ROBO1: variants seen among roughly 807,000 people sequenced by gnomAD.
ROBO1 encodes roundabout homolog 1.
Under a neutral mutation model 195.9 loss-of-function variants are expected in ROBO1, and 149 were observed. That is an observed-to-expected ratio of 0.76 (90% confidence interval 0.67 to 0.87). The LOEUF (loss-of-function observed/expected upper bound fraction) is 0.87, where lower values mean the gene tolerates loss of function less well. Among genes scored for constraint, ROBO1 ranks in the 40% least tolerant of loss-of-function variants. The pLI is 0.00. For missense variants in ROBO1, 1,933 were observed against 2,068.3 expected, an observed-to-expected ratio of 0.93 and a Z score of 1.27; for synonymous variants, 816 against 733.2, an observed-to-expected ratio of 1.11 and a Z score of -1.82.
rs1943362026 is a variant in ROBO1, at chr3:79,573,937, A to T, written c.88+15887T>A. Among the ~76,000 whole-genome samples, 3 of 152,144 alleles carry T rather than the reference A, an allele frequency of 2.0e-5. No individual in the cohort carries two copies. The South Asian group carries it at 6.2e-4, about 31-fold the overall frequency. ...GAATTTGGCTTTGTTTGGTTAACCC[A>T]TGGTGAACATGTATATATTACCTAC... On this transcript the variant is annotated intron_variant, in intron 2 of 30. Coordinates refer to ENST00000464233, the MANE Select transcript of ROBO1 (RefSeq NM_002941.4).
chr3:78,937,553 A>G (rs538348679), intron 4 of ROBO1, among the ~76,000 whole-genome samples: 9 of 152,246 alleles, frequency 5.9e-5, no homozygotes, highest in African/African-American at 2.2e-4. Context: ...AAGGGGATGA[A>G]TCATTTTGGC....
intron 2 of ROBO1, among the ~76,000 whole-genome samples, chr3:79,395,999 T>C (rs1471850731): frequency 6.6e-6 from 1 of 152,112 alleles, no homozygotes; most frequent in Non-Finnish European, 1.5e-5. Flanking sequence ...GAGTGAACTA[T>C]AAGAATTTGC....
chr3:79,081,805 C>T (rs1205195056), intron 3 of ROBO1, among the ~76,000 whole-genome samples: 1 of 152,114 alleles, frequency 6.6e-6, no homozygotes, highest in Non-Finnish European at 1.5e-5. Flanking sequence ...GAAAGGATGG[C>T]TTCTTCATCA....
intron 1 of ROBO1, among the ~76,000 whole-genome samples, chr3:79,754,363 A>G (rs1456296244): frequency 1.3e-5 from 2 of 152,196 alleles, no homozygotes; most frequent in Admixed American, 6.5e-5. Context: ...TATTCACTTC[A>G]GTGCCTACAA....
intron 2 of ROBO1, among the ~76,000 whole-genome samples, chr3:79,397,157 T>C (rs892546305): frequency 6.6e-6 from 1 of 151,724 alleles, no homozygotes; most frequent in African/African-American, 2.4e-5. Context: ...ATTTCTAGTT[T>C]ATAAAACTTT....
At chr3:79,498,288 T>C (rs73131061) in intron 2 of ROBO1, among the ~76,000 whole-genome samples, 10,011 of 152,252 alleles carry the variant, frequency 0.066, 408 homozygotes, top group East Asian at 0.15. Context: ...TCCTAATTTA[T>C]ACCGCCATAT....
At chr3:79,151,749 G>T (rs2080775437) in intron 2 of ROBO1, among the ~76,000 whole-genome samples, 2 of 151,842 alleles carry the variant, frequency 1.3e-5, no homozygotes, top group East Asian at 2.0e-4. Context: ...TGAAGTGCTG[G>T]TTTTTCTCTT....
At chr3:79,117,895 T>A (rs1199597723) in intron 3 of ROBO1, among the ~76,000 whole-genome samples, 2 of 152,170 alleles carry the variant, frequency 1.3e-5, no homozygotes, top group African/African-American at 4.8e-5. Context: ...AATTAGAGAT[T>A]AGGAAGGGTT....
chr3:78,980,832 A>T (rs532465307), intron 3 of ROBO1, among the ~76,000 whole-genome samples: 59 of 152,274 alleles, frequency 3.9e-4, no homozygotes, highest in African/African-American at 1.4e-3. Context: ...AGCTAAGATA[A>T]CTCATAAAGA....
intron 3 of ROBO1, among the ~76,000 whole-genome samples, chr3:78,970,793 T>C (rs1034812306): frequency 6.6e-6 from 1 of 152,096 alleles, no homozygotes; most frequent in Non-Finnish European, 1.5e-5. Flanking sequence ...ATATGGGTAA[T>C]AATACAGTCA....
chr3:79,673,692 C>T (rs978708105), intron 1 of ROBO1, among the ~76,000 whole-genome samples: 16 of 151,926 alleles, frequency 1.1e-4, no homozygotes, highest in Non-Finnish European at 2.2e-4. Context: ...CTTTAAGATT[C>T]GTCTGAGGTA....
intron 3 of ROBO1, among the ~76,000 whole-genome samples, chr3:78,947,679 A>G (rs902970058): frequency 4.6e-5 from 7 of 152,234 alleles, no homozygotes; most frequent in African/African-American, 1.7e-4. Flanking sequence ...AGAACAGAGC[A>G]GAACTGACGG....
chr3:79,560,254 A>C (rs1311268899), intron 2 of ROBO1, among the ~76,000 whole-genome samples: 1 of 151,272 alleles, frequency 6.6e-6, no homozygotes, highest in African/African-American at 2.4e-5. Context: ...GAAATTGGAA[A>C]TCATCATTCT....
chr3:79,291,755 T>C (rs952937696), intron 2 of ROBO1, among the ~76,000 whole-genome samples: 7 of 152,164 alleles, frequency 4.6e-5, no homozygotes, highest in Admixed American at 1.3e-4. Context: ...TTCAGAAAGA[T>C]TGTTATAGTT....
intron 3 of ROBO1, among the ~76,000 whole-genome samples, chr3:78,990,159 T>C (rs1443264239): frequency 6.6e-6 from 1 of 152,214 alleles, no homozygotes; most frequent in Non-Finnish European, 1.5e-5. Context: ...CACTAGAATA[T>C]TTTTCCTAAT....
At chr3:79,544,094 T>G (rs1209718029) in intron 2 of ROBO1, among the ~76,000 whole-genome samples, 1 of 152,066 alleles carries the variant, frequency 6.6e-6, no homozygotes, top group East Asian at 1.9e-4. Flanking sequence ...TTCATTAGGC[T>G]TATCCAACAG....
intron 3 of ROBO1, among the ~76,000 whole-genome samples, chr3:79,045,623 A>T (rs1204417024): frequency 6.6e-6 from 1 of 152,130 alleles, no homozygotes; most frequent in African/African-American, 2.4e-5. Context: ...GCTTTCTTGC[A>T]TCATAAAATG....
chr3:79,190,301 A>G (rs2081514775), intron 2 of ROBO1, among the ~76,000 whole-genome samples: 1 of 151,624 alleles, frequency 6.6e-6, no homozygotes, highest in Non-Finnish European at 1.5e-5. Flanking sequence ...AAAATATTCT[A>G]TAAATCCATG....
At chr3:79,228,688 A>G (rs896213108) in intron 2 of ROBO1, among the ~76,000 whole-genome samples, 11 of 152,160 alleles carry the variant, frequency 7.2e-5, no homozygotes, top group African/African-American at 2.4e-4. Context: ...TGTATTGGAT[A>G]TGGTTTACTA....
Sources: gnomAD v4.1 joint callset for allele counts (sites outside exome capture counted in the v4.1 genomes callset) on GRCh38, gnomAD v4.1.1 for gene constraint, MANE v1.5 for transcripts, NCBI Gene and HGNC (gene_info 2026-07-23, HGNC 2026-07-21) for gene names.